Variants in APOBEC3G observed in about 807,000 individuals in gnomAD.
The protein encoded by APOBEC3G is apolipoprotein B mRNA editing enzyme catalytic subunit 3G.
Under a neutral mutation model 50.0 loss-of-function variants are expected in APOBEC3G, and 44 were observed. The ratio of observed to expected loss-of-function variants is 0.88; its 90% confidence interval spans 0.69 to 1.13. The LOEUF (loss-of-function observed/expected upper bound fraction) is 1.13. Among genes scored for constraint, APOBEC3G ranks in the 50% most tolerant of loss-of-function variants. The pLI is 0.00. For synonymous variants in APOBEC3G, 156 were observed against 175.3 expected (o/e 0.89, Z 0.87); for missense variants, 469 against 492.0 (o/e 0.95, Z 0.44).
At chr22:39,080,162 C>T (rs1445069738) in intron 2 of APOBEC3G, 2 of 574,092 alleles carry the variant, frequency 3.5e-6, no homozygotes, top group Non-Finnish European at 2.3e-6. Context: ...ATGGACAGTG[C>T]AGGTCCAGTG....
In APOBEC3G at chr22:39,087,591, C is replaced by A; in HGVS notation, c.*170C>A. The A allele has an allele frequency of 7.8e-7, 1 of 1,283,148 alleles. No homozygotes were observed. The highest frequency in any genetic ancestry group is 1.1e-6 in the Non-Finnish European group (1 of 932,980). 79.5% of individuals were successfully genotyped at this position (1,283,148 alleles called of 1,614,324 possible). ...GTAGATTCTTTTAAAAATTAGAGTG[C>A]ATTACTTTGAATCAAAAATTTATTT... is the stretch of plus-strand genomic sequence containing the variant. On this transcript the variant is annotated 3_prime_UTR_variant, in exon 8 of 8. Transcript: ENST00000407997.
At chr22:39,084,283 C>A (rs899279189) in intron 5 of APOBEC3G, among the ~76,000 whole-genome samples, 1 of 152,288 alleles carries the variant, frequency 6.6e-6, no homozygotes, top group South Asian at 2.1e-4. Flanking sequence ...AATCCCAGCA[C>A]TTTGGGAGGC....
intron 4 of APOBEC3G, chr22:39,081,849 A>G (rs1415126446): frequency 1.4e-5 from 6 of 416,524 alleles, no homozygotes; most frequent in Non-Finnish European, 4.3e-6. Flanking sequence ...ATCCACCCCC[A>G]CAGCCTGGGA....
intron 2 of APOBEC3G, 42 bp downstream of exon 2, chr22:39,079,127 C>T (rs1362327386): frequency 6.2e-7 from 1 of 1,605,642 alleles, no homozygotes; most frequent in African/African-American, 1.3e-5. Flanking sequence ...AGGAGCTAAG[C>T]CAGCTGGGAA....
intron 2 of APOBEC3G, chr22:39,080,044 CA>C (rs374258075): frequency 0.016 from 2,409 of 147,332 alleles, 8 homozygotes; most frequent in Middle Eastern, 0.044. Flanking sequence ...AACTCCATCT[CA>C]AAAAAAAAAA....
intron 5 of APOBEC3G, among the ~76,000 whole-genome samples, chr22:39,085,171 C>T (rs1402451022): frequency 6.6e-6 from 1 of 152,206 alleles, no homozygotes. Context: ...ACCATCATTC[C>T]TTGGGCTCAA....
In APOBEC3G at chr22:39,083,904, G is replaced by T. The variant is rs373770107; in HGVS notation, c.735+20G>T. ...AACCAGGTGACCAACCCAGCCACCC[G>T]CATCCAGGCAGGGCCCTCCCAACCC... On this transcript the variant is annotated intron_variant, in intron 5 of 7. Transcript: ENST00000407997. The T allele has an allele frequency of 8.7e-6, 14 of 1,608,088 alleles. No individual in the cohort carries two copies. Among genetic ancestry groups the T allele is most frequent in the Non-Finnish European group, 1.0e-5 (12 of 1,176,648 alleles).
At chr22:39,078,774 G>A (rs546104522) in intron 1 of APOBEC3G, 158 bp from the exon 2 acceptor site, 13 of 986,650 alleles carry the variant, frequency 1.3e-5, no homozygotes, top group South Asian at 4.0e-5. Flanking sequence ...GTGTAGTGGC[G>A]CGATCTTGGC....
chr22:39,079,282 A>G (rs1928321678), intron 2 of APOBEC3G, 197 bp downstream of exon 2: 1 of 711,516 alleles, frequency 1.4e-6, no homozygotes. Flanking sequence ...CCTCTGCACA[A>G]AAGGCCTTGT....
chr22:39,085,006 C>T (rs889245791), intron 5 of APOBEC3G, among the ~76,000 whole-genome samples: 2 of 152,170 alleles, frequency 1.3e-5, no homozygotes, highest in African/African-American at 4.8e-5. Context: ...TCAAAGGCAC[C>T]GGTCCCCATC....
intron 5 of APOBEC3G, among the ~76,000 whole-genome samples, chr22:39,084,283 C>T (rs899279189): frequency 2.0e-5 from 3 of 152,170 alleles, no homozygotes; most frequent in African/African-American, 7.2e-5. Flanking sequence ...AATCCCAGCA[C>T]TTTGGGAGGC....
Position 39,083,864 on chromosome 22 carries a change from A to G in APOBEC3G, c.715A>G (p.Arg239Gly), listed in dbSNP as rs747458446. The change falls in exon 5 of 8, where the codon AGG becomes GGG. Residue 239 changes from arginine (R) to glycine (G), a missense_variant. Transcript: ENST00000407997. ...NDTWVLLNQR[R>G]GFLCNQAPHK... ...CACCTGGGTCCTGCTGAACCAGCGC[A>G]GGGGCTTTCTATGCAACCAGGTGAC... The G allele has an allele frequency of 3.7e-6, 6 of 1,613,500 alleles. No homozygotes were observed. The highest frequency in any genetic ancestry group is 3.3e-5 in the Admixed American group (2 of 59,956).
At chr22:39,087,340 G>A in intron 7 of APOBEC3G, 67 bp from the exon 8 acceptor site, 1 of 1,610,710 alleles carries the variant, frequency 6.2e-7, no homozygotes, top group Non-Finnish European at 8.5e-7. Context: ...CTGTCCCCAG[G>A]CCTCCACCAT....
chr22:39,082,958 C>T (rs997384304), intron 4 of APOBEC3G: 1 of 152,790 alleles, frequency 6.5e-6, no homozygotes, highest in African/African-American at 2.4e-5. Flanking sequence ...GGCTGCTCCT[C>T]TTCTCAGCCT....
intron 5 of APOBEC3G, 130 bp from the exon 6 acceptor site, chr22:39,086,148 TA>T (rs1407708897): frequency 2.8e-6 from 3 of 1,060,916 alleles, no homozygotes; most frequent in Non-Finnish European, 3.9e-6. Flanking sequence ...CTACTAGAAA[TA>T]CAAAATTAGC....
rs771345487 is a variant in APOBEC3G at position 39,086,428 on chromosome 22, G to A, written c.885G>A (p.Met295Ile). The change falls in exon 6 of 8, where the codon ATG becomes ATA. Residue 295 changes from methionine to isoleucine, a missense_variant. By Grantham distance (10) the Met-to-Ile change is conservative. Transcript: ENST00000407997. ...WSPCFSCAQE[M>I]AKFISKNKHV... ...CCTGCTTCAGCTGTGCCCAGGAAAT[G>A]GCTAAATTCATTTCAAAAAACAAAC... 1 of 1,614,164 alleles carries A rather than the reference G, an allele frequency of 6.2e-7. No homozygotes were observed. The highest frequency in any genetic ancestry group is 1.1e-5 in the South Asian group (1 of 91,078).
At position 39,087,125 on chromosome 22, in the gene APOBEC3G, A is replaced by G. The variant is rs1385861110; in HGVS notation, c.1139A>G (p.Gln380Arg). Residue 380 changes from glutamine (Q) to arginine (R), a missense_variant and splice_region_variant, in exon 7 of 8, where the codon CAG (glutamine) becomes CGG (arginine). Transcript: ENST00000407997. ...DLSGRLRAILQNQEN is the reference protein window; with the variant it reads ...DLSGRLRAILRNQEN ...AGTGGGAGGCTGCGGGCCATTCTCCAGGTGAGGGCTTCTTCCCTCTGCCCA... is the reference window on the plus strand; with the variant it reads ...AGTGGGAGGCTGCGGGCCATTCTCCGGGTGAGGGCTTCTTCCCTCTGCCCA... 6.2e-7 allele frequency: 1 copy of G among 1,613,870 alleles called. No individual in the cohort carries two copies. The highest frequency in any genetic ancestry group is 8.5e-7 in the Non-Finnish European group (1 of 1,179,984).
intron 2 of APOBEC3G, 22 bp from the exon 3 acceptor site, chr22:39,080,911 C>G (rs1439943732): frequency 1.2e-6 from 2 of 1,600,236 alleles, no homozygotes; most frequent in Admixed American, 3.4e-5. Context: ...CAGAGCTTGC[C>G]CTGACCCTGC....
chr22:39,077,133 G>A (rs1332070066), upstream of APOBEC3G: 10 of 638,558 alleles, frequency 1.6e-5, no homozygotes, highest in Non-Finnish European at 2.7e-5. Flanking sequence ...AGGTCCCTCT[G>A]CCAGGGGGAG....
Sources: allele counts gnomAD v4.1 joint callset (sites outside exome capture counted in the v4.1 genomes callset), GRCh38; gene constraint gnomAD v4.1.1; transcripts MANE v1.5; gene names NCBI Gene and HGNC (gene_info 2026-07-23, HGNC 2026-07-21).